The following CHCHD3 variants were observed in gnomAD, a reference collection of about 807,000 sequenced individuals.
The protein encoded by CHCHD3 is MICOS complex subunit MIC19.
In CHCHD3, 20 loss-of-function variants were observed where a neutral mutation model predicts 38.2. The ratio of observed to expected loss-of-function variants is 0.52; its 90% CI spans 0.37 to 0.76. The LOEUF (loss-of-function observed/expected upper bound fraction) is 0.76, where lower values mean the gene tolerates loss of function less well. Among genes scored for constraint, CHCHD3 ranks in the 30% least tolerant of loss-of-function variants. The pLI is 0.00. For synonymous variants in CHCHD3, 82 were observed against 100.0 expected (o/e 0.82, Z 1.07); for missense variants, 245 against 279.2 (o/e 0.88, Z 0.87).
intron 4 of CHCHD3, among the ~76,000 whole-genome samples, chr7:132,949,118 T>C (rs1810974124): frequency 6.6e-6 from 1 of 152,202 alleles, no homozygotes; most frequent in South Asian, 2.1e-4. Context: ...AATATCATTT[T>C]TGAAGACCAT....
At chr7:132,892,637 G>A (rs917251245) in intron 4 of CHCHD3, among the ~76,000 whole-genome samples, 1 of 152,192 alleles carries the variant, frequency 6.6e-6, no homozygotes, top group African/African-American at 2.4e-5. Flanking sequence ...AGGTCCAGAG[G>A]CCTAGGAAGG....
intron 4 of CHCHD3, among the ~76,000 whole-genome samples, chr7:132,926,222 G>C (rs956179429): frequency 2.0e-5 from 3 of 152,216 alleles, no homozygotes; most frequent in Non-Finnish European, 2.9e-5. Flanking sequence ...AAGACAGCAA[G>C]TTTGGAATCC....
At chr7:132,928,815 A>G (rs926364555) in intron 4 of CHCHD3, among the ~76,000 whole-genome samples, 1 of 152,182 alleles carries the variant, frequency 6.6e-6, no homozygotes, top group African/African-American at 2.4e-5. Context: ...CTCCCTTTTA[A>G]ATTTGCTCAG....
At chr7:132,834,811 T>G (rs1401862719) in intron 6 of CHCHD3, among the ~76,000 whole-genome samples, 1 of 152,120 alleles carries the variant, frequency 6.6e-6, no homozygotes, top group East Asian at 1.9e-4. Flanking sequence ...TGAGCAGCAC[T>G]GTTCAGAGTT....
chr7:132,857,322 G>C (rs1808365692), intron 5 of CHCHD3, among the ~76,000 whole-genome samples: 1 of 152,154 alleles, frequency 6.6e-6, no homozygotes, highest in Admixed American at 6.6e-5. Context: ...CTTCTTTACA[G>C]TATCCCCGAC....
chr7:132,984,211 C>A (rs931914693), intron 3 of CHCHD3, among the ~76,000 whole-genome samples: 1 of 150,650 alleles, frequency 6.6e-6, no homozygotes, highest in South Asian at 2.1e-4. Context: ...TGCAGGCGCA[C>A]GGCGCCACGC....
intron 4 of CHCHD3, among the ~76,000 whole-genome samples, chr7:132,948,491 G>A (rs921807599): frequency 6.6e-6 from 1 of 152,122 alleles, no homozygotes; most frequent in Non-Finnish European, 1.5e-5. Flanking sequence ...TCCTTTGGGA[G>A]AGGGAATATA....
chr7:132,929,948 T>A (rs1393707057), intron 4 of CHCHD3, among the ~76,000 whole-genome samples: 1 of 152,146 alleles, frequency 6.6e-6, no homozygotes, highest in East Asian at 1.9e-4. Flanking sequence ...GAATTTTGGA[T>A]TTACTCTGTG....
chr7:132,951,077 G>C (rs1237687086), intron 4 of CHCHD3, among the ~76,000 whole-genome samples: 1 of 152,126 alleles, frequency 6.6e-6, no homozygotes, highest in Non-Finnish European at 1.5e-5. Flanking sequence ...TTCTCTTTCT[G>C]AGGCAAAAAT....
intron 5 of CHCHD3, among the ~76,000 whole-genome samples, chr7:132,853,619 C>T (rs1429280064): frequency 6.6e-6 from 1 of 152,020 alleles, no homozygotes; most frequent in Non-Finnish European, 1.5e-5. Flanking sequence ...GATATTCTGT[C>T]TCAAAAAAAT....
intron 5 of CHCHD3, among the ~76,000 whole-genome samples, chr7:132,867,500 G>C (rs1014509535): frequency 6.6e-6 from 1 of 152,122 alleles, no homozygotes; most frequent in Non-Finnish European, 1.5e-5. Context: ...AACTTACAGA[G>C]GTAGGTTTTT....
At chr7:132,957,998 A>T (rs1200865496) in intron 4 of CHCHD3, among the ~76,000 whole-genome samples, 2 of 152,220 alleles carry the variant, frequency 1.3e-5, no homozygotes, top group African/African-American at 2.4e-5. Context: ...TTGCTTTAAA[A>T]TAAAATAAAA....
intron 4 of CHCHD3, among the ~76,000 whole-genome samples, chr7:132,937,261 A>G (rs1047931838): frequency 6.6e-6 from 1 of 152,226 alleles, no homozygotes; most frequent in Non-Finnish European, 1.5e-5. Flanking sequence ...AGAACTGGAC[A>G]TAGAAAGATT....
chr7:132,870,777 C>T (rs1326880334), intron 5 of CHCHD3, among the ~76,000 whole-genome samples: 1 of 152,172 alleles, frequency 6.6e-6, no homozygotes, highest in Non-Finnish European at 1.5e-5. Flanking sequence ...TTGCCTAGAA[C>T]TTATCTGATG....
chr7:132,850,454 T>G (rs1003823850), intron 5 of CHCHD3, among the ~76,000 whole-genome samples: 23 of 107,312 alleles, frequency 2.1e-4, no homozygotes, highest in African/African-American at 7.2e-4. Context: ...TTTTTTGTTT[T>G]TTTTTTTTTT....
intron 4 of CHCHD3, among the ~76,000 whole-genome samples, chr7:132,955,459 T>C (rs1157208219): frequency 6.6e-6 from 1 of 152,022 alleles, no homozygotes; most frequent in African/African-American, 2.4e-5. Context: ...TTAATGTCCA[T>C]CAACTAGACT....
At chr7:132,847,860 G>A (rs1434936294) in intron 5 of CHCHD3, among the ~76,000 whole-genome samples, 1 of 152,102 alleles carries the variant, frequency 6.6e-6, no homozygotes, top group Non-Finnish European at 1.5e-5. Flanking sequence ...AAATGTAACT[G>A]GCTCTTGTCA....
chr7:132,789,714 C>A (rs148903349), intron 7 of CHCHD3, among the ~76,000 whole-genome samples: 1 of 152,004 alleles, frequency 6.6e-6, no homozygotes, highest in African/African-American at 2.4e-5. Flanking sequence ...AGAAGAAAAG[C>A]GGTTTGTTTT....
chr7:132,949,686 C>G (rs1810991454), intron 4 of CHCHD3, among the ~76,000 whole-genome samples: 2 of 151,850 alleles, frequency 1.3e-5, no homozygotes, highest in African/African-American at 4.8e-5. Flanking sequence ...ATAAGAGAAA[C>G]CAATATTCAG....
Sources: allele counts gnomAD v4.1 joint callset (sites outside exome capture counted in the v4.1 genomes callset), GRCh38; gene constraint gnomAD v4.1.1; transcripts MANE v1.5; gene names NCBI Gene and HGNC (gene_info 2026-07-23, HGNC 2026-07-21).